Variants in PEAK1 observed in about 807,000 individuals in gnomAD.
PEAK1 encodes the protein inactive tyrosine-protein kinase PEAK1.
A neutral mutation model predicts 124.7 loss-of-function variants in PEAK1; 54 were observed. The observed-to-expected ratio is 0.43, with a 90% CI of 0.35 to 0.54. The LOEUF is 0.54. Among genes scored for constraint, PEAK1 ranks in the 20% least tolerant of loss-of-function variants. The probability of loss-of-function intolerance (pLI) is 0.01; values close to 1 mark genes in which losing one functional copy is unlikely to be tolerated. For synonymous variants in PEAK1, 719 were observed against 760.0 expected, an observed-to-expected ratio of 0.95 and a Z score of 0.89; for missense variants, 2,046 against 2,134.5, an observed-to-expected ratio of 0.96 and a Z score of 0.82.
rs1156610994 is a variant in PEAK1, at chr15:77,180,004, G to A, written c.1923C>T (p.Tyr641=). ...CTCCACTTGTTCCCAGAAAACTTTT[G>A]TAGATAGCTAGATTGTCATATGCAT... ...NPNAYDNLAI[Y]KSFLGTSGEL... The change falls in exon 7 of 10, where the codon TAC becomes TAT. Residue 641 remains tyrosine, a synonymous_variant. Transcript: ENST00000682557. The A allele has an allele frequency of 6.2e-7, 1 of 1,613,900 alleles. No individual in the cohort carries two copies. The highest frequency in any genetic ancestry group is 8.5e-7 in the Non-Finnish European group (1 of 1,179,966).
At chr15:77,358,775 G>C (rs1342825315) in intron 2 of PEAK1, among the ~76,000 whole-genome samples, 1 of 152,176 alleles carries the variant, frequency 6.6e-6, no homozygotes, top group African/African-American at 2.4e-5. Context: ...GAGGAAACTA[G>C]CATGTACAAA....
At chr15:77,150,258 GGAC>G (rs2054489579) in intron 8 of PEAK1, among the ~76,000 whole-genome samples, 1 of 152,108 alleles carries the variant, frequency 6.6e-6, no homozygotes, top group African/African-American at 2.4e-5. Flanking sequence ...TAGTGATTAA[GGAC>G]ATTAAAGTCT....
At chr15:77,286,045 G>A (rs889701105) in intron 3 of PEAK1, among the ~76,000 whole-genome samples, 2 of 152,088 alleles carry the variant, frequency 1.3e-5, no homozygotes, top group Admixed American at 6.5e-5. Context: ...AGAGATTCTG[G>A]TATGTTGTAT....
chr15:77,420,495 G>A (rs1182285429), upstream of PEAK1: 5 of 178,408 alleles, frequency 2.8e-5, no homozygotes, highest in Non-Finnish European at 5.8e-5. Context: ...AAGACCAGGG[G>A]AGTCTGGGCC....
chr15:77,158,775 C>T (rs2055377129), intron 7 of PEAK1, 79 bp from the exon 8 acceptor site: 1 of 1,354,930 alleles, frequency 7.4e-7, no homozygotes, highest in Admixed American at 1.9e-5. Flanking sequence ...GCATATACTT[C>T]CCATAAATGT....
intron 2 of PEAK1, among the ~76,000 whole-genome samples, chr15:77,305,219 G>T (rs2064027361): frequency 7.8e-6 from 1 of 128,778 alleles, no homozygotes; most frequent in African/African-American, 2.9e-5. Flanking sequence ...GGGAGGGAGG[G>T]TGGGTGGGAG....
intron 1 of PEAK1, among the ~76,000 whole-genome samples, chr15:77,376,000 A>AAAATAAATAAATAAATAAAT (rs199883070): frequency 1.4e-5 from 2 of 145,348 alleles, no homozygotes; most frequent in East Asian, 2.1e-4. Flanking sequence ...CTCCGTCTCA[A>AAAATAAATAAATAAATAAAT]AAATAAATAA....
At chr15:77,148,925 G>A (rs748581785) in intron 8 of PEAK1, among the ~76,000 whole-genome samples, 8 of 152,014 alleles carry the variant, frequency 5.3e-5, no homozygotes, top group Non-Finnish European at 5.9e-5. Flanking sequence ...CTGTCGCTAA[G>A]AAAATTTAAA....
At position 77,322,996 on chromosome 15, in the gene PEAK1, C is replaced by G. The variant is rs577400875; in HGVS notation, c.-602-36492G>C. Among the ~76,000 whole-genome samples, 1,103 of 152,226 alleles carry G rather than the reference C, an allele frequency of 7.2e-3. 13 individuals carry two copies. Among genetic ancestry groups the G allele is most frequent in the African/African-American group, 0.025 (1,048 of 41,536 alleles). On this transcript the variant is annotated intron_variant, in intron 2 of 9. Transcript: ENST00000682557. ...GGTTCAACATACACAAATCAATAAA[C>G]GTAATCCAGCATATAAACAGAACCA...
chr15:77,336,362 T>C, intron 2 of PEAK1: 1 of 985,460 alleles, frequency 1.0e-6, no homozygotes, highest in Non-Finnish European at 1.2e-6. Flanking sequence ...GCTCTCATTA[T>C]AGAGACGTTT....
At chr15:77,137,967 G>C (rs1050856216) in intron 8 of PEAK1, among the ~76,000 whole-genome samples, 1 of 152,160 alleles carries the variant, frequency 6.6e-6, no homozygotes, top group African/African-American at 2.4e-5. Flanking sequence ...TCATGATAGT[G>C]AGTAAGTCTC....
intron 2 of PEAK1, among the ~76,000 whole-genome samples, chr15:77,363,870 G>A (rs1272280330): frequency 4.6e-5 from 7 of 152,090 alleles, no homozygotes; most frequent in Admixed American, 4.6e-4. Context: ...CTGAGGGGAG[G>A]GAGGAATGAG....
chr15:77,321,451 A>G (rs2065211422), intron 2 of PEAK1, among the ~76,000 whole-genome samples: 2 of 152,196 alleles, frequency 1.3e-5, no homozygotes. Context: ...GGCTGCTTAA[A>G]TGTCTTCTTT....
chr15:77,125,527 C>T (rs1232533794), intron 9 of PEAK1, among the ~76,000 whole-genome samples: 2 of 151,852 alleles, frequency 1.3e-5, no homozygotes, highest in Non-Finnish European at 2.9e-5. Context: ...TATATCACCA[C>T]ATACATATTA....
At chr15:77,187,082 A>T (rs921964792) in intron 6 of PEAK1, among the ~76,000 whole-genome samples, 1 of 152,194 alleles carries the variant, frequency 6.6e-6, no homozygotes, top group Non-Finnish European at 1.5e-5. Flanking sequence ...AGAGCACCCA[A>T]ATGGAATGTT....
chr15:77,161,706 C>T (rs988839222), intron 7 of PEAK1, among the ~76,000 whole-genome samples: 1 of 152,138 alleles, frequency 6.6e-6, no homozygotes, highest in African/African-American at 2.4e-5. Flanking sequence ...GGCGCAGTGG[C>T]TCATGCCTGT....
At chr15:77,313,738 A>ATTTATT (rs1555478199) in intron 2 of PEAK1, among the ~76,000 whole-genome samples, 2 of 143,702 alleles carry the variant, frequency 1.4e-5, no homozygotes, top group African/African-American at 5.2e-5. Context: ...ATATATATAT[A>ATTTATT]TATTTATTTA....
chr15:77,205,767 G>A (rs1378125555), intron 6 of PEAK1, among the ~76,000 whole-genome samples: 1 of 152,162 alleles, frequency 6.6e-6, no homozygotes, highest in Admixed American at 6.5e-5. Flanking sequence ...GCCATGTAAG[G>A]AAACTGCCTC....
upstream of PEAK1, chr15:77,420,173 C>G (rs1320346517): frequency 1.3e-5 from 2 of 150,228 alleles, no homozygotes; most frequent in African/African-American, 2.4e-5. Context: ...GCCGCCCGCC[C>G]AGCCCACCAG....
Sources: gnomAD v4.1 joint callset for allele counts (sites outside exome capture counted in the v4.1 genomes callset) on GRCh38, gnomAD v4.1.1 for gene constraint, MANE v1.5 for transcripts, NCBI Gene and HGNC (gene_info 2026-07-23, HGNC 2026-07-21) for gene names.